The following NDRG4 variants were observed in gnomAD, a reference collection of about 807,000 sequenced individuals.
The protein encoded by NDRG4 is NDRG family member 4.
NDRG4 carries 38 observed loss-of-function variants against 55.8 expected under a neutral mutation model. The observed-to-expected ratio is 0.68, with a 90% CI of 0.53 to 0.89. The LOEUF (loss-of-function observed/expected upper bound fraction) is 0.89, where lower values mean the gene tolerates loss of function less well. Among genes scored for constraint, NDRG4 ranks in the 40% least tolerant of loss-of-function variants. NDRG4 has a pLI of 0.00. For missense variants in NDRG4, 455 were observed against 468.6 expected (o/e 0.97, Z 0.27); for synonymous variants, 190 against 182.7 (o/e 1.04, Z -0.32).
intron 1 of NDRG4, among the ~76,000 whole-genome samples, chr16:58,474,343 T>C (rs1597076459): frequency 6.6e-6 from 1 of 152,092 alleles, no homozygotes; most frequent in South Asian, 2.1e-4. Context: ...TTCCTTTCAT[T>C]TGCTTGCCTG....
intron 2 of NDRG4, among the ~76,000 whole-genome samples, chr16:58,491,329 G>A (rs527860600): frequency 3.3e-5 from 5 of 152,172 alleles, no homozygotes; most frequent in African/African-American, 4.8e-5. Flanking sequence ...ATGCTGCAGC[G>A]TGGCACCCCA....
At chr16:58,487,995 C>T in intron 2 of NDRG4, 2 of 579,664 alleles carry the variant, frequency 3.5e-6, no homozygotes, top group South Asian at 3.3e-5. Context: ...GGGGGAGTTC[C>T]GGCAGGCCTG....
intron 1 of NDRG4, among the ~76,000 whole-genome samples, chr16:58,484,634 T>G (rs1220211624): frequency 1.3e-5 from 2 of 152,142 alleles, no homozygotes; most frequent in Non-Finnish European, 2.9e-5. Flanking sequence ...TGCACACGCG[T>G]CTCCTGGGAG....
intron 8 of NDRG4, 153 bp downstream of exon 8, chr16:58,507,168 G>T (rs1433955422): frequency 1.5e-5 from 10 of 646,256 alleles, no homozygotes; most frequent in Non-Finnish European, 2.5e-5. Flanking sequence ...CCTGCACAAG[G>T]TCACACCCTG....
intron 5 of NDRG4, among the ~76,000 whole-genome samples, chr16:58,505,306 G>A (rs1019269429): frequency 1.4e-4 from 21 of 151,204 alleles, no homozygotes; most frequent in Non-Finnish European, 2.1e-4. Context: ...CTGAGATCGC[G>A]CCACTGCACT....
At chr16:58,505,912 G>A in intron 5 of NDRG4, 1 of 252,774 alleles carries the variant, frequency 4.0e-6, no homozygotes, top group Non-Finnish European at 7.6e-6. Flanking sequence ...ATTAGAGACA[G>A]GGCTTCACCA....
intron 1 of NDRG4, among the ~76,000 whole-genome samples, chr16:58,471,186 CTTTTTTTTTT>C (rs528375397): frequency 3.0e-5 from 2 of 67,076 alleles, no homozygotes; most frequent in African/African-American, 5.7e-5. Flanking sequence ...ATGTGTGTTG[CTTTTTTTTTT>C]TTTTTTTTTT....
intron 1 of NDRG4, chr16:58,501,925 G>T: frequency 6.6e-6 from 3 of 452,030 alleles, no homozygotes; most frequent in Non-Finnish European, 9.0e-6. Flanking sequence ...ACCCCAGGAG[G>T]ATAACTGTCC....
In NDRG4 at chr16:58,506,748, C is replaced by T. The variant is rs1597327114; in HGVS notation, c.516+134C>T. ...GATGCTAAGCCATCTGAAAGACAGACATCCCCTCCCAAGGCCCCACACCTC... is the reference window on the plus strand; with the variant it reads ...GATGCTAAGCCATCTGAAAGACAGATATCCCCTCCCAAGGCCCCACACCTC... On this transcript the variant is annotated intron_variant, in intron 7 of 14. Transcript: ENST00000570248. 15 of 1,219,656 alleles carry T rather than the reference C, an allele frequency of 1.2e-5. No homozygotes were observed. The South Asian group carries it at 2.0e-4, about 16-fold the overall frequency. 75.6% of individuals were successfully genotyped at this position (1,219,656 alleles called of 1,614,324 possible). A position where few individuals can be genotyped will look rare whatever the true frequency, so the allele number is the denominator to read the frequency against.
intron 5 of NDRG4, chr16:58,505,938 TCTCGTATGCCTGAC>T (rs2037908068): frequency 2.9e-5 from 8 of 279,062 alleles, no homozygotes; most frequent in South Asian, 2.6e-4. Flanking sequence ...GCTAGGCTGG[TCTCGTATGCCTGAC>T]CTCAGGTGAT....
chr16:58,484,482 A>G (rs940814963), intron 1 of NDRG4, among the ~76,000 whole-genome samples: 4 of 152,244 alleles, frequency 2.6e-5, no homozygotes, highest in African/African-American at 4.8e-5. Context: ...TGCTCAAAAT[A>G]AAGCAAGCTG....
rs1365620735 is a variant in NDRG4 at position 58,494,259 on chromosome 16, G to A, written c.73-705G>A. 3.3e-5 allele frequency among the ~76,000 whole-genome samples: 5 copies of A among 152,306 alleles called. No homozygotes were observed. The East Asian group carries it at 9.7e-4, about 29-fold the overall frequency. On this transcript the variant is annotated intron_variant, in intron 2 of 15. Coordinates refer to the NDRG4 transcript ENST00000258187. ...AAGCTCCAGTGATCTGAGGCACAAAGCGACCAGGTCTGGAGAGGTGGGAGC... is the reference window on the plus strand; with the variant it reads ...AAGCTCCAGTGATCTGAGGCACAAAACGACCAGGTCTGGAGAGGTGGGAGC...
Position 58,507,996 on chromosome 16 carries a change from G to C in NDRG4, c.726G>C (p.Gly242=). The C allele has an allele frequency of 6.4e-7, 1 of 1,568,172 alleles. No homozygotes were observed. Among genetic ancestry groups the C allele is most frequent in the Non-Finnish European group, 8.7e-7 (1 of 1,153,172 alleles). The change falls in exon 10 of 15, where the codon GGG becomes GGC. Residue 242 remains glycine, a synonymous_variant. Transcript: ENST00000570248. ...VVGDNAPAED[G]VVECNSKLDP... is the part of the protein sequence containing the mutation. ...GGGATAATGCACCCGCTGAGGACGG[G>C]GTGGTAAGTGAGGGGCTGTGGGCTC...
Position 58,507,006 on chromosome 16 carries a change from T to C in NDRG4, c.611T>C (p.Met204Thr), listed in dbSNP as rs747216123. 1.9e-6 allele frequency: 3 copies of C among 1,613,352 alleles called. No individual in the cohort carries two copies. Among genetic ancestry groups the C allele is most frequent in the South Asian group, 2.2e-5 (2 of 90,818 alleles). ...NQANLQLFWN[M>T]YNSRRDLDIN... ...GCCAACCTGCAGCTCTTCTGGAACA[T>C]GTACAACAGGTGCGGGTGGGATCAG... Residue 204 changes from methionine to threonine, a missense_variant, in exon 8 of 15, where the codon ATG becomes ACG. Physicochemically the swap from Met to Thr is moderately conservative, Grantham distance 81. Coordinates refer to ENST00000570248, the MANE Select transcript of NDRG4 (RefSeq NM_001242835.2).
At chr16:58,503,116 T>C (rs1006330910) in intron 1 of NDRG4, among the ~76,000 whole-genome samples, 6 of 152,104 alleles carry the variant, frequency 3.9e-5, no homozygotes, top group Admixed American at 2.0e-4. Flanking sequence ...GAGGAAGTAA[T>C]GACCTTGAGC....
At chr16:58,504,519 G>A in intron 4 of NDRG4, 70 bp from the exon 5 acceptor site, 1 of 1,612,032 alleles carries the variant, frequency 6.2e-7, no homozygotes, top group African/African-American at 1.3e-5. Context: ...TATGGGCAGG[G>A]CCTGCTCTGG....
chr16:58,508,337 G>A (rs1367291461), intron 10 of NDRG4, among the ~76,000 whole-genome samples: 1 of 152,210 alleles, frequency 6.6e-6, no homozygotes, highest in Admixed American at 6.5e-5. Context: ...ATGTGATCAA[G>A]CCATTATAAA....
intron 5 of NDRG4, 33 bp downstream of exon 5, chr16:58,504,682 A>G: frequency 6.2e-7 from 1 of 1,613,666 alleles, no homozygotes; most frequent in Non-Finnish European, 8.5e-7. Context: ...TACCCCAAAC[A>G]CCAGGGCAAG....
In NDRG4 at chr16:58,505,210, G is replaced by A. The variant is rs192095317; in HGVS notation, c.372+561G>A. Among the ~76,000 whole-genome samples the A allele has an allele frequency of 1.4e-4, 21 of 151,772 alleles. 1 individual carries two copies. Among genetic ancestry groups the A allele is most frequent in the South Asian group, 8.3e-4 (4 of 4,816 alleles). On this transcript the variant is annotated intron_variant, in intron 5 of 14. Transcript: ENST00000570248. ...TAAAAATACAAAAAATTAGCCGGGC[G>A]TAGTGGCGGGCGCCTGTAGTCCCAG... is the stretch of plus-strand genomic sequence containing the variant.
Sources: allele counts gnomAD v4.1 joint callset (sites outside exome capture counted in the v4.1 genomes callset), GRCh38; gene constraint gnomAD v4.1.1; transcripts MANE v1.5; gene names NCBI Gene and HGNC (gene_info 2026-07-23, HGNC 2026-07-21).